Variants in WASF1 observed in about 807,000 individuals in gnomAD.
The protein encoded by WASF1 is WASP family member 1.
In WASF1, 7 loss-of-function variants were observed where a neutral mutation model predicts 50.5. The ratio of observed to expected loss-of-function variants is 0.14; its 90% confidence interval spans 0.08 to 0.26. WASF1 has a LOEUF of 0.26. WASF1 is among the 10% of genes least tolerant of loss of function. The pLI is 1.00. For synonymous variants in WASF1, 205 were observed against 244.0 expected (o/e 0.84, Z 1.49); for missense variants, 470 against 694.7 (o/e 0.68, Z 3.64).
At chr6:110,135,873 T>C (rs909064277) in intron 3 of WASF1, among the ~76,000 whole-genome samples, 3 of 145,432 alleles carry the variant, frequency 2.1e-5, no homozygotes, top group Admixed American at 7.0e-5. Flanking sequence ...AACAGTCCAT[T>C]ATCTTTTTTT....
intron 4 of WASF1, among the ~76,000 whole-genome samples, chr6:110,119,565 A>G (rs1270464004): frequency 1.3e-5 from 2 of 152,236 alleles, no homozygotes; most frequent in Non-Finnish European, 2.9e-5. Context: ...ACCAACCAAA[A>G]AAAGCCCAGG....
intron 2 of WASF1, among the ~76,000 whole-genome samples, chr6:110,161,400 A>G (rs1017587372): frequency 6.6e-6 from 1 of 151,586 alleles, no homozygotes; most frequent in African/African-American, 2.4e-5. Flanking sequence ...AATGTTGGAT[A>G]AATTTGGCTA....
chr6:110,169,135 C>T (rs1007219309), intron 2 of WASF1, among the ~76,000 whole-genome samples: 1 of 152,070 alleles, frequency 6.6e-6, no homozygotes, highest in Non-Finnish European at 1.5e-5. Context: ...CCTAGTTCTA[C>T]ACTTTCTCCT....
chr6:110,173,347 C>T (rs1056729878), intron 2 of WASF1, among the ~76,000 whole-genome samples: 2 of 152,122 alleles, frequency 1.3e-5, no homozygotes, highest in African/African-American at 4.8e-5. Context: ...TTGCTGTCAT[C>T]ATCATCCAAC....
chr6:110,113,201 T>C (rs1292985644), intron 5 of WASF1, 125 bp downstream of exon 5: 1 of 826,330 alleles, frequency 1.2e-6, no homozygotes, highest in South Asian at 5.6e-5. Context: ...TTTATTACAA[T>C]ATGTACACCA....
rs995536596 is a variant in WASF1, at chr6:110,147,262, C to T, written c.-29+13373G>A. 7.9e-5 allele frequency among the ~76,000 whole-genome samples: 12 copies of T among 150,962 alleles called. No individual in the cohort carries two copies. The East Asian group carries it at 2.4e-3, about 30-fold the overall frequency. ...TCGGGAGGCTGAGGCAGGAGAATGG[C>T]GTGAACCCGGGAGGCGGAGCTTGCA... On this transcript the variant is annotated intron_variant, in intron 3 of 10. Transcript: ENST00000392589.
intron 6 of WASF1, 99 bp from the exon 7 acceptor site, chr6:110,107,293 A>T: frequency 1.3e-6 from 1 of 753,864 alleles, no homozygotes; most frequent in Non-Finnish European, 2.1e-6. Flanking sequence ...ACATTAATAA[A>T]ATACAGCATG....
intron 2 of WASF1, among the ~76,000 whole-genome samples, chr6:110,163,592 G>A (rs979446169): frequency 9.2e-5 from 14 of 151,494 alleles, no homozygotes; most frequent in African/African-American, 3.1e-4. Context: ...GGGGGTGGGG[G>A]ATGGGGACAT....
intron 3 of WASF1, among the ~76,000 whole-genome samples, chr6:110,128,552 T>C (rs563770527): frequency 6.6e-6 from 1 of 152,390 alleles, no homozygotes; most frequent in South Asian, 2.1e-4. Flanking sequence ...CTTTGAATTA[T>C]AGGCTGCTCT....
intron 3 of WASF1, among the ~76,000 whole-genome samples, chr6:110,148,703 G>A (rs1361355563): frequency 6.6e-6 from 1 of 152,164 alleles, no homozygotes; most frequent in Admixed American, 6.5e-5. Flanking sequence ...CCAAGATCAG[G>A]AATGACCATT....
At chr6:110,167,141 T>A (rs1456840899) in intron 2 of WASF1, among the ~76,000 whole-genome samples, 1 of 147,680 alleles carries the variant, frequency 6.8e-6, no homozygotes, top group African/African-American at 2.6e-5. Context: ...ATTACTCACA[T>A]ATTTGTGGTG....
chr6:110,176,458 C>G (rs1407892799), intron 2 of WASF1, among the ~76,000 whole-genome samples: 4 of 151,710 alleles, frequency 2.6e-5, no homozygotes, highest in African/African-American at 9.7e-5. Context: ...CAAAAGTGTA[C>G]AGGTAATGGA....
intron 2 of WASF1, among the ~76,000 whole-genome samples, chr6:110,163,532 G>A (rs936017055): frequency 2.0e-5 from 3 of 151,442 alleles, no homozygotes; most frequent in Admixed American, 6.6e-5. Context: ...TCTCCCCAAA[G>A]TCCTATCTCC....
intron 3 of WASF1, among the ~76,000 whole-genome samples, chr6:110,136,690 C>G (rs773190657): frequency 3.9e-5 from 6 of 152,168 alleles, no homozygotes; most frequent in Admixed American, 1.3e-4. Flanking sequence ...TTTCAACCTT[C>G]TCCTATCTTT....
intron 2 of WASF1, among the ~76,000 whole-genome samples, chr6:110,169,390 C>T (rs1220232030): frequency 1.3e-5 from 2 of 152,154 alleles, no homozygotes; most frequent in Non-Finnish European, 2.9e-5. Flanking sequence ...CTAGTAACAG[C>T]ACCAAATCAC....
At chr6:110,158,978 C>A (rs191301925) in intron 3 of WASF1, among the ~76,000 whole-genome samples, 17 of 151,882 alleles carry the variant, frequency 1.1e-4, no homozygotes, top group African/African-American at 3.6e-4. Flanking sequence ...TAGCCATTTA[C>A]TGCATTGTGA....
intron 4 of WASF1, among the ~76,000 whole-genome samples, chr6:110,123,248 G>C (rs1173709926): frequency 1.3e-5 from 2 of 151,346 alleles, no homozygotes; most frequent in East Asian, 3.9e-4. Context: ...ATTCATCAAA[G>C]ACCTAGAAGA....
intron 2 of WASF1, among the ~76,000 whole-genome samples, chr6:110,163,635 T>A (rs182264819): frequency 1.3e-5 from 2 of 151,652 alleles, no homozygotes; most frequent in African/African-American, 4.8e-5. Flanking sequence ...GAAAACTCAA[T>A]ATTGTCAAGA....
At chr6:110,155,044 G>A (rs917169473) in intron 3 of WASF1, among the ~76,000 whole-genome samples, 11 of 152,050 alleles carry the variant, frequency 7.2e-5, no homozygotes, top group Non-Finnish European at 1.5e-4. Context: ...CTTCACAGTG[G>A]AAGACTTCCA....
Sources: allele counts gnomAD v4.1 joint callset (sites outside exome capture counted in the v4.1 genomes callset), GRCh38; gene constraint gnomAD v4.1.1; transcripts MANE v1.5; gene names NCBI Gene and HGNC (gene_info 2026-07-23, HGNC 2026-07-21).